The following ACSS3 variants were observed in gnomAD, a reference collection of about 807,000 sequenced individuals.
The protein encoded by ACSS3 is acyl-CoA synthetase short chain family member 3, also known as acyl-CoA synthetase short-chain family member 3, mitochondrial.
ACSS3 carries 64 observed loss-of-function variants against 84.2 expected under a neutral mutation model. That is an observed-to-expected ratio of 0.76 (90% CI 0.62 to 0.94). The LOEUF (loss-of-function observed/expected upper bound fraction) is 0.94, where lower values mean the gene tolerates loss of function less well. ACSS3 is among the 40% of genes least tolerant of loss of function. The pLI is 0.00. For missense variants in ACSS3, 815 were observed against 867.6 expected, an observed-to-expected ratio of 0.94 and a Z score of 0.76; for synonymous variants, 317 against 310.1, an observed-to-expected ratio of 1.02 and a Z score of -0.23.
At chr12:81,227,097 G>T (rs1464683340) in intron 11 of ACSS3, among the ~76,000 whole-genome samples, 2 of 151,680 alleles carry the variant, frequency 1.3e-5, no homozygotes, top group Non-Finnish European at 2.9e-5. Context: ...TGCAGGACAG[G>T]CCAGCAGGCT....
At chr12:81,100,732 C>T (rs1275297444) in intron 1 of ACSS3, among the ~76,000 whole-genome samples, 1 of 152,170 alleles carries the variant, frequency 6.6e-6, no homozygotes, top group East Asian at 1.9e-4. Context: ...TGCCCCAGGC[C>T]ATCCATCCTC....
chr12:81,198,837 G>GA (rs531013003), intron 8 of ACSS3, among the ~76,000 whole-genome samples: 328 of 152,060 alleles, frequency 2.2e-3, no homozygotes, highest in African/African-American at 7.6e-3. Flanking sequence ...CTTGGAATAG[G>GA]AAAAATATAT....
intron 1 of ACSS3, among the ~76,000 whole-genome samples, chr12:81,103,183 G>A (rs761882176): frequency 6.6e-6 from 1 of 152,126 alleles, no homozygotes; most frequent in Non-Finnish European, 1.5e-5. Context: ...AATTCCTCAG[G>A]CCCTTGGGAA....
At chr12:81,213,119 A>G (rs2032659827) in intron 9 of ACSS3, among the ~76,000 whole-genome samples, 1 of 152,182 alleles carries the variant, frequency 6.6e-6, no homozygotes, top group South Asian at 2.1e-4. Flanking sequence ...TGACATCTAG[A>G]TTTCTTGTCT....
chr12:81,160,849 C>T (rs1887114414), intron 7 of ACSS3, among the ~76,000 whole-genome samples: 1 of 152,104 alleles, frequency 6.6e-6, no homozygotes, highest in African/African-American at 2.4e-5. Flanking sequence ...TCTGACACTT[C>T]TGTTTATTAA....
chr12:81,085,907 C>CAGTAA (rs1467083831), intron 1 of ACSS3, among the ~76,000 whole-genome samples: 1 of 151,894 alleles, frequency 6.6e-6, no homozygotes, highest in Non-Finnish European at 1.5e-5. Context: ...TCTTGGGCAT[C>CAGTAA]ATGTCAGTAA....
At chr12:81,248,356 T>C (rs1457523448) in intron 13 of ACSS3, among the ~76,000 whole-genome samples, 1 of 152,148 alleles carries the variant, frequency 6.6e-6, no homozygotes, top group East Asian at 1.9e-4. Flanking sequence ...ATGTGCATAA[T>C]AGAATAATAC....
At chr12:81,192,597 G>C (rs1450302813) in intron 8 of ACSS3, among the ~76,000 whole-genome samples, 2 of 152,126 alleles carry the variant, frequency 1.3e-5, no homozygotes, top group Non-Finnish European at 2.9e-5. Flanking sequence ...TCCATTATTA[G>C]CTATACCTCT....
Position 81,176,229 on chromosome 12 carries a change from A to G in ACSS3, c.1250+1290A>G, listed in dbSNP as rs540459224. Among the ~76,000 whole-genome samples the G allele has an allele frequency of 5.3e-5, 8 of 152,332 alleles. 1 individual carries two copies. In the South Asian group the frequency reaches 1.2e-3, roughly 24 times the overall value. ...CAATTACAAATACCTCTATGCACAC[A>G]AAGTAGAAAACCTAGAAGAAATGGA... On this transcript the variant is annotated intron_variant, in intron 8 of 15. Coordinates refer to ENST00000548058, the MANE Select transcript of ACSS3 (RefSeq NM_024560.4).
intron 8 of ACSS3, among the ~76,000 whole-genome samples, chr12:81,194,472 T>G (rs1225329399): frequency 6.6e-6 from 1 of 151,890 alleles, no homozygotes; most frequent in Non-Finnish European, 1.5e-5. Flanking sequence ...CGTAAAGTCT[T>G]TGACATTTTT....
rs927358433 is a variant in ACSS3 at position 81,259,656 on chromosome 12, G to A, written c.*4734G>A. Reference sequence around the variant, plus strand: ...TTTAGGTAGAGTAGACTGAAAAGACGCCATCTAAAATATACAATGGATAGC... The same window carrying A: ...TTTAGGTAGAGTAGACTGAAAAGACACCATCTAAAATATACAATGGATAGC... On this transcript the variant is annotated 3_prime_UTR_variant, in exon 16 of 16. Transcript: ENST00000548058. 50 of 1,533,972 alleles carry A rather than the reference G, an allele frequency of 3.3e-5. No homozygotes were observed. The highest frequency in any genetic ancestry group is 9.5e-5 in the South Asian group (8 of 84,008).
intron 8 of ACSS3, among the ~76,000 whole-genome samples, chr12:81,178,693 T>C (rs973563794): frequency 6.6e-6 from 1 of 152,110 alleles, no homozygotes; most frequent in South Asian, 2.1e-4. Context: ...TTAGGAAGAA[T>C]CAATATTGTA....
At chr12:81,214,717 T>C (rs1195867172) in intron 9 of ACSS3, among the ~76,000 whole-genome samples, 2 of 152,108 alleles carry the variant, frequency 1.3e-5, no homozygotes, top group Non-Finnish European at 2.9e-5. Context: ...TTTTCCTACA[T>C]CCCCCTTCTC....
At chr12:81,159,720 A>C (rs1400119607) in intron 7 of ACSS3, among the ~76,000 whole-genome samples, 1 of 152,240 alleles carries the variant, frequency 6.6e-6, no homozygotes, top group Non-Finnish European at 1.5e-5. Flanking sequence ...AAACACAAGC[A>C]ATCTTTTCAC....
At chr12:81,173,801 G>T (rs2135817421) in intron 7 of ACSS3, among the ~76,000 whole-genome samples, 1 of 152,198 alleles carries the variant, frequency 6.6e-6, no homozygotes, top group Middle Eastern at 3.4e-3. Flanking sequence ...AATCACAGAG[G>T]TTTTGGAAAT....
chr12:81,080,203 G>A (rs915549134), intron 1 of ACSS3, among the ~76,000 whole-genome samples: 4 of 152,152 alleles, frequency 2.6e-5, no homozygotes, highest in Non-Finnish European at 4.4e-5. Flanking sequence ...AGAAAGGACA[G>A]ATTGGAGTGA....
Position 81,254,789 on chromosome 12 carries a change from G to A in ACSS3, c.1996-68G>A, listed in dbSNP as rs373117218. ...GGGGAAAACAACATTGCATATAATT[G>A]TTTAATTATAGAAAGAGTAGAAGAA... On this transcript the variant is annotated intron_variant, in intron 15 of 15. Transcript: ENST00000548058. 238 of 1,251,718 alleles carry A rather than the reference G, an allele frequency of 1.9e-4. No individual in the cohort carries two copies. The African/African-American group carries it at 3.4e-3, about 18-fold the overall frequency. The allele number at this position is 1,251,718 out of a possible 1,614,324, so 77.5% of individuals were successfully genotyped here.
intron 1 of ACSS3, among the ~76,000 whole-genome samples, chr12:81,088,580 T>G (rs1257722072): frequency 4.6e-5 from 7 of 152,066 alleles, no homozygotes; most frequent in African/African-American, 1.7e-4. Flanking sequence ...ATAACAACTC[T>G]GTGAGGCAGG....
At chr12:81,150,505 T>C (rs1248729254) in intron 5 of ACSS3, among the ~76,000 whole-genome samples, 1 of 152,198 alleles carries the variant, frequency 6.6e-6, no homozygotes, top group Non-Finnish European at 1.5e-5. Context: ...TTCGTTTACA[T>C]GGGAAGGTGC....
Sources: allele counts gnomAD v4.1 joint callset (sites outside exome capture counted in the v4.1 genomes callset), GRCh38; gene constraint gnomAD v4.1.1; transcripts MANE v1.5; gene names NCBI Gene and HGNC (gene_info 2026-07-23, HGNC 2026-07-21).